GPAT3: variants seen among roughly 807,000 people sequenced by gnomAD.
GPAT3 encodes the protein glycerol-3-phosphate acyltransferase 3, also known as 1-AGP acyltransferase 9.
A neutral mutation model predicts 58.8 loss-of-function variants in GPAT3; 53 were observed. The ratio of observed to expected loss-of-function variants is 0.90; its 90% CI spans 0.72 to 1.13. GPAT3 has a LOEUF of 1.13. Ranked by LOEUF, GPAT3 falls within the 50% of genes most tolerant of loss-of-function variation. The pLI, the probability that GPAT3 is intolerant of heterozygous loss-of-function variation, is 0.00. For missense variants in GPAT3, 511 were observed against 527.6 expected, an observed-to-expected ratio of 0.97 and a Z score of 0.31; for synonymous variants, 197 against 187.4, an observed-to-expected ratio of 1.05 and a Z score of -0.42.
chr4:83,591,582 T>A (rs144485617), intron 6 of GPAT3, among the ~76,000 whole-genome samples: 1 of 152,302 alleles, frequency 6.6e-6, no homozygotes, highest in Non-Finnish European at 1.5e-5. Flanking sequence ...ATTTTATGTA[T>A]AATTTCAAGA....
intron 2 of GPAT3, among the ~76,000 whole-genome samples, chr4:83,572,382 G>A (rs1163961017): frequency 6.6e-6 from 1 of 152,154 alleles, no homozygotes; most frequent in Admixed American, 6.5e-5. Context: ...TTTAAGCATA[G>A]TATTAATTTT....
intron 2 of GPAT3, among the ~76,000 whole-genome samples, chr4:83,567,154 T>C (rs1198812806): frequency 6.6e-6 from 1 of 152,062 alleles, no homozygotes; most frequent in African/African-American, 2.4e-5. Context: ...TCATTTTTTT[T>C]CTCTTGTCTG....
At chr4:83,588,973 CT>C (rs1726487686) in intron 5 of GPAT3, among the ~76,000 whole-genome samples, 1 of 152,138 alleles carries the variant, frequency 6.6e-6, no homozygotes, top group South Asian at 2.1e-4. Context: ...CCAAGCTTCT[CT>C]TTTTTACTGA....
chr4:83,587,320 C>T lies in GPAT3; in HGVS notation c.545C>T (p.Pro182Leu), dbSNP rs759795921. ...VIGTTLVGQL[P>L]DSSLKNWLSE... ...GGAACTACACTGGTTGGGCAGCTGC[C>T]AGACAGCAGGTGAAATGTTTCCTTC... Residue 182 changes from proline to leucine, a missense_variant, in exon 4 of 12, where the codon CCA becomes CTA. Physicochemically the swap from Pro to Leu is moderately conservative, Grantham distance 98 (BLOSUM62 -3). Coordinates refer to ENST00000264409, the MANE Select transcript of GPAT3 (RefSeq NM_032717.5). 3 of 1,613,490 alleles carry T rather than the reference C, an allele frequency of 1.9e-6. No individual in the cohort carries two copies.
intron 2 of GPAT3, among the ~76,000 whole-genome samples, chr4:83,564,165 C>G (rs1425318757): frequency 6.6e-6 from 1 of 152,156 alleles, no homozygotes; most frequent in African/African-American, 2.4e-5. Flanking sequence ...AAGTGCCTGT[C>G]TCCCCACAGC....
At position 83,540,802 on chromosome 4, in the gene GPAT3, G is replaced by C. The variant is rs1219928546; in HGVS notation, c.142-3734G>C. Among the ~76,000 whole-genome samples the C allele has an allele frequency of 4.6e-5, 7 of 152,138 alleles. 1 individual carries two copies. Among genetic ancestry groups the C allele is most frequent in the Non-Finnish European group, 1.5e-5 (1 of 68,026 alleles). On this transcript the variant is annotated intron_variant, in intron 1 of 11. Coordinates refer to ENST00000264409, the MANE Select transcript of GPAT3 (RefSeq NM_032717.5). Reference sequence around the variant, plus strand: ...CCTCCCGGATTCAAGTGATTCTCCTGCCTCAGCCTCCTAAGTAGCTGGGAT... The same window carrying C: ...CCTCCCGGATTCAAGTGATTCTCCTCCCTCAGCCTCCTAAGTAGCTGGGAT...
chr4:83,583,316 GA>G (rs1432695189), intron 3 of GPAT3, among the ~76,000 whole-genome samples: 2 of 150,876 alleles, frequency 1.3e-5, no homozygotes, highest in Non-Finnish European at 3.0e-5. Context: ...AAGAAAGAAA[GA>G]AAAAAAGCTT....
intron 2 of GPAT3, among the ~76,000 whole-genome samples, chr4:83,558,446 C>T (rs1403510684): frequency 1.3e-5 from 2 of 152,172 alleles, no homozygotes; most frequent in Admixed American, 1.3e-4. Flanking sequence ...ACAGAACCAG[C>T]ACATTCAACC....
chr4:83,590,109 C>A, intron 5 of GPAT3, 90 bp from the exon 6 acceptor site: 1 of 970,584 alleles, frequency 1.0e-6, no homozygotes, highest in Non-Finnish European at 1.5e-6. Context: ...TACATATATA[C>A]ACACACACAC....
intron 3 of GPAT3, among the ~76,000 whole-genome samples, chr4:83,582,176 C>G (rs1372566091): frequency 6.6e-6 from 1 of 152,216 alleles, no homozygotes; most frequent in East Asian, 1.9e-4. Flanking sequence ...GTTTCATATT[C>G]ACTAGAGCAT....
Position 83,578,965 on chromosome 4 carries a change from TTTC to T in GPAT3, c.209-2594_209-2592del, listed in dbSNP as rs1317990413. Reference sequence around the variant, plus strand: ...TTCTTTTCTTTTCTTTCTTTCTTTCTTTCTTTCTTTCTTTCTTTCTTTCCTTCC... The same window carrying T: ...TTCTTTTCTTTTCTTTCTTTCTTTCTTTTCTTTCTTTCTTTCTTTCCTTCC... On this transcript the variant is annotated intron_variant, in intron 2 of 11. Coordinates refer to ENST00000264409, the MANE Select transcript of GPAT3 (RefSeq NM_032717.5). Among the ~76,000 whole-genome samples, 26 of 126,808 alleles carry T rather than the reference TTTC, an allele frequency of 2.1e-4. 1 individual carries two copies. The highest frequency in any genetic ancestry group is 2.8e-4 in the South Asian group (1 of 3,594). 83.2% of individuals were successfully genotyped at this position (126,808 alleles called of 152,430 possible).
chr4:83,603,790 C>CAAAAAAA (rs58399873), intron 11 of GPAT3, among the ~76,000 whole-genome samples: 2 of 120,654 alleles, frequency 1.7e-5, no homozygotes, highest in African/African-American at 7.0e-5. Flanking sequence ...AACTCTGTCT[C>CAAAAAAA]AAAAAAAAAA....
intron 2 of GPAT3, among the ~76,000 whole-genome samples, chr4:83,559,861 G>T (rs1725070650): frequency 1.3e-5 from 2 of 152,190 alleles, no homozygotes. Context: ...GAAGTAGATA[G>T]CAGTGCTTCT....
chr4:83,546,017 C>T (rs1243245587), intron 2 of GPAT3, among the ~76,000 whole-genome samples: 1 of 152,080 alleles, frequency 6.6e-6, no homozygotes, highest in African/African-American at 2.4e-5. Flanking sequence ...CAAAGTCTCC[C>T]TCTGTCCCCC....
At chr4:83,551,262 A>T (rs1302734770) in intron 2 of GPAT3, among the ~76,000 whole-genome samples, 3 of 152,222 alleles carry the variant, frequency 2.0e-5, no homozygotes, top group Non-Finnish European at 2.9e-5. Flanking sequence ...TGGAAAGAAA[A>T]AGGAGATGAA....
intron 3 of GPAT3, among the ~76,000 whole-genome samples, chr4:83,585,939 C>A (rs1726359551): frequency 6.6e-6 from 1 of 152,052 alleles, no homozygotes; most frequent in African/African-American, 2.4e-5. Flanking sequence ...TCCTGAAAGA[C>A]AGAATAACAT....
intron 2 of GPAT3, among the ~76,000 whole-genome samples, chr4:83,576,759 A>G (rs1725838292): frequency 6.6e-6 from 1 of 152,140 alleles, no homozygotes; most frequent in Non-Finnish European, 1.5e-5. Flanking sequence ...AGAAAATATC[A>G]TTTTAAAAGA....
At position 83,579,017 on chromosome 4, in the gene GPAT3, C is replaced by T. The variant is rs1186356557; in HGVS notation, c.209-2545C>T. 1.3e-4 allele frequency among the ~76,000 whole-genome samples: 6 copies of T among 46,520 alleles called. 1 individual carries two copies. The highest frequency in any genetic ancestry group is 6.0e-4 in the East Asian group (1 of 1,668). The allele number at this position is 46,520 out of a possible 152,430, so 30.5% of individuals were successfully genotyped here. A position where few individuals can be genotyped will look rare whatever the true frequency, so the allele number is the denominator to read the frequency against. On this transcript the variant is annotated intron_variant, in intron 2 of 11. Coordinates refer to ENST00000264409, the MANE Select transcript of GPAT3 (RefSeq NM_032717.5). ...CCTTCCTTCCTTCCTTCCTTCTTTC[C>T]CTTTCTTTCTTTCTTTCTTTCTTTC...
Position 83,598,162 on chromosome 4 carries a change from C to G in GPAT3, c.1108C>G (p.Pro370Ala). 6.2e-7 allele frequency: 1 copy of G among 1,612,490 alleles called. No individual in the cohort carries two copies. ...WAIVCDVWYM[P>A]PMTREEGEDA... ...CATCGTCTGTGACGTGTGGTACATG[C>G]CCCCCATGACCAGAGAGGTATTCCT... The change falls in exon 10 of 12, where the codon CCC (proline) becomes GCC (alanine). Residue 370 changes from proline to alanine, a missense_variant. Pro to Ala is a conservative substitution (Grantham distance 27). Coordinates refer to ENST00000264409, the MANE Select transcript of GPAT3 (RefSeq NM_032717.5).
Sources: gnomAD v4.1 joint callset for allele counts (sites outside exome capture counted in the v4.1 genomes callset) on GRCh38, gnomAD v4.1.1 for gene constraint, MANE v1.5 for transcripts, NCBI Gene and HGNC (gene_info 2026-07-23, HGNC 2026-07-21) for gene names.